The following MARK1 variants were observed in gnomAD, a reference collection of about 807,000 sequenced individuals.
MARK1 encodes microtubule affinity regulating kinase 1.
Under a neutral mutation model 96.3 loss-of-function variants are expected in MARK1, and 40 were observed. That is an observed-to-expected ratio of 0.42 (90% CI 0.32 to 0.54). The LOEUF (loss-of-function observed/expected upper bound fraction) is 0.54, where lower values mean the gene tolerates loss of function less well. Among genes scored for constraint, MARK1 ranks in the 20% least tolerant of loss-of-function variants. The probability of loss-of-function intolerance (pLI) is 0.16; values close to 1 mark genes in which losing one functional copy is unlikely to be tolerated. For missense variants in MARK1, 719 were observed against 984.6 expected, an observed-to-expected ratio of 0.73 and a Z score of 3.61; for synonymous variants, 317 against 341.2, an observed-to-expected ratio of 0.93 and a Z score of 0.78.
chr1:220,591,475 G>A (rs1195912047), intron 3 of MARK1, among the ~76,000 whole-genome samples: 1 of 152,160 alleles, frequency 6.6e-6, no homozygotes, highest in Non-Finnish European at 1.5e-5. Context: ...CAAGACAAGA[G>A]AAAGAAGAGG....
intron 13 of MARK1, among the ~76,000 whole-genome samples, chr1:220,636,809 A>G (rs1297983093): frequency 6.6e-6 from 1 of 152,036 alleles, no homozygotes; most frequent in Non-Finnish European, 1.5e-5. Context: ...AGGCTGAGGC[A>G]GGAGAATAGC....
chr1:220,610,995 C>T (rs1018153368), intron 6 of MARK1, among the ~76,000 whole-genome samples: 4 of 152,206 alleles, frequency 2.6e-5, no homozygotes, highest in African/African-American at 9.6e-5. Context: ...TCAGCCCCTA[C>T]TGGGAGGTGT....
chr1:220,584,770 T>G (rs1292435831), intron 3 of MARK1, among the ~76,000 whole-genome samples: 1 of 152,212 alleles, frequency 6.6e-6, no homozygotes, highest in Non-Finnish European at 1.5e-5. Flanking sequence ...ATCACAAAAT[T>G]ATTGACAAAT....
At chr1:220,638,150 A>C (rs992011899) in intron 13 of MARK1, among the ~76,000 whole-genome samples, 1 of 148,670 alleles carries the variant, frequency 6.7e-6, no homozygotes, top group African/African-American at 2.5e-5. Context: ...AGAAGCCACT[A>C]TTTGCCTTAG....
intron 6 of MARK1, among the ~76,000 whole-genome samples, chr1:220,614,789 T>C (rs184625595): frequency 6.6e-6 from 1 of 152,232 alleles, no homozygotes; most frequent in African/African-American, 2.4e-5. Flanking sequence ...ACTCATTGTG[T>C]GTTGATGATT....
chr1:220,616,187 G>A (rs1666740258), intron 7 of MARK1, among the ~76,000 whole-genome samples, 192 bp downstream of exon 7: 1 of 152,138 alleles, frequency 6.6e-6, no homozygotes, highest in South Asian at 2.1e-4. Context: ...AAATATGAGT[G>A]ATAAGTTTTC....
intron 13 of MARK1, among the ~76,000 whole-genome samples, chr1:220,647,024 G>A (rs568038732): frequency 6.6e-6 from 1 of 152,130 alleles, no homozygotes; most frequent in East Asian, 1.9e-4. Flanking sequence ...TCGCCAAAAG[G>A]AATTGCAACA....
chr1:220,615,072 A>G (rs1363418560), intron 6 of MARK1, among the ~76,000 whole-genome samples: 2 of 152,182 alleles, frequency 1.3e-5, no homozygotes, highest in African/African-American at 4.8e-5. Context: ...CTGTCCTTCT[A>G]TTCATCAGAT....
intron 6 of MARK1, 63 bp from the exon 7 acceptor site, chr1:220,615,876 G>T: frequency 1.2e-6 from 1 of 816,594 alleles, no homozygotes; most frequent in South Asian, 1.6e-5. Context: ...AATTGGAGGT[G>T]ATTATTGGGG....
At chr1:220,625,014 C>T (rs1008210030) in intron 9 of MARK1, among the ~76,000 whole-genome samples, 13 of 152,166 alleles carry the variant, frequency 8.5e-5, no homozygotes, top group South Asian at 4.1e-4. Context: ...CTTTCCTGGA[C>T]GTTATAACAA....
chr1:220,598,155 GT>G (rs1216284623), intron 3 of MARK1, among the ~76,000 whole-genome samples, 175 bp from the exon 4 acceptor site: 1 of 152,014 alleles, frequency 6.6e-6, no homozygotes. Context: ...CACAGTCTAA[GT>G]TAACATAGCT....
intron 1 of MARK1, among the ~76,000 whole-genome samples, chr1:220,537,210 G>A (rs1216389859): frequency 6.8e-6 from 1 of 146,666 alleles, no homozygotes; most frequent in Admixed American, 6.8e-5. Flanking sequence ...TTAGCATTAG[G>A]TATATCTCCT....
At chr1:220,544,029 C>A (rs1257301400) in intron 1 of MARK1, among the ~76,000 whole-genome samples, 1 of 152,102 alleles carries the variant, frequency 6.6e-6, no homozygotes, top group Non-Finnish European at 1.5e-5. Context: ...ATAAGTCAAT[C>A]CTTTTGTAGG....
chr1:220,560,712 A>G (rs765927237), intron 1 of MARK1, among the ~76,000 whole-genome samples: 99 of 152,214 alleles, frequency 6.5e-4, no homozygotes, highest in Non-Finnish European at 6.6e-4. Context: ...TCATCATACT[A>G]TTCAGAATGA....
intron 3 of MARK1, among the ~76,000 whole-genome samples, chr1:220,595,203 A>G (rs943379206): frequency 1.3e-5 from 2 of 152,194 alleles, no homozygotes; most frequent in Non-Finnish European, 2.9e-5. Flanking sequence ...TATCATAGAT[A>G]TGTATATGTA....
At chr1:220,652,725 G>T (rs944193190) in intron 15 of MARK1, among the ~76,000 whole-genome samples, 31 of 152,146 alleles carry the variant, frequency 2.0e-4, no homozygotes, top group African/African-American at 6.7e-4. Flanking sequence ...CATCACTGAG[G>T]CCTAAATTAG....
intron 9 of MARK1, among the ~76,000 whole-genome samples, chr1:220,629,456 A>G (rs1007434509): frequency 2.0e-5 from 3 of 151,732 alleles, no homozygotes; most frequent in African/African-American, 7.3e-5. Flanking sequence ...CTATGTGTAC[A>G]TTGTTGTACA....
intron 4 of MARK1, among the ~76,000 whole-genome samples, chr1:220,599,170 C>T (rs1484736979): frequency 6.6e-6 from 1 of 151,972 alleles, no homozygotes; most frequent in Non-Finnish European, 1.5e-5. Context: ...GATTTCTCCC[C>T]CTTTGCAAAT....
chr1:220,599,207 T>C (rs1412854411), intron 4 of MARK1, among the ~76,000 whole-genome samples: 2 of 152,204 alleles, frequency 1.3e-5, no homozygotes, highest in Non-Finnish European at 2.9e-5. Flanking sequence ...TATATTATTA[T>C]ATGAAATCAT....
Sources: gnomAD v4.1 joint callset for allele counts (sites outside exome capture counted in the v4.1 genomes callset) on GRCh38, gnomAD v4.1.1 for gene constraint, MANE v1.5 for transcripts, NCBI Gene and HGNC (gene_info 2026-07-23, HGNC 2026-07-21) for gene names.